Variants in IMPG2 observed in about 807,000 individuals in gnomAD.
IMPG2 encodes interphotoreceptor matrix proteoglycan 2.
IMPG2 carries 91 observed loss-of-function variants against 129.2 expected under a neutral mutation model. The ratio of observed to expected loss-of-function variants is 0.70; its 90% CI spans 0.59 to 0.84. The LOEUF (loss-of-function observed/expected upper bound fraction) is 0.84. IMPG2 is among the 40% of genes least tolerant of loss of function. The pLI is 0.00. For missense variants in IMPG2, 1,430 were observed against 1,461.7 expected, an observed-to-expected ratio of 0.98 and a Z score of 0.35; for synonymous variants, 510 against 517.7, an observed-to-expected ratio of 0.99 and a Z score of 0.20.
At chr3:101,310,663 A>G (rs572721834) in intron 2 of IMPG2, among the ~76,000 whole-genome samples, 4 of 152,136 alleles carry the variant, frequency 2.6e-5, no homozygotes, top group Non-Finnish European at 5.9e-5. Flanking sequence ...CTGTGAGAAT[A>G]TGAGTGTTTA....
Position 101,306,360 on chromosome 3 carries a change from G to A in IMPG2, c.335-2048C>T, listed in dbSNP as rs79056345. 5.8e-3 allele frequency among the ~76,000 whole-genome samples: 883 copies of A among 152,240 alleles called. 6 individuals carry two copies. Among genetic ancestry groups the A allele is most frequent in the African/African-American group, 0.02 (850 of 41,542 alleles). ...TATTGAAAGTTTCTCTATCAATTGG[G>A]TTTTAGGGCTAAACCAAACCTTTCA... is the stretch of plus-strand genomic sequence containing the variant. On this transcript the variant is annotated intron_variant, in intron 2 of 18. Transcript: ENST00000193391.
chr3:101,226,601 C>T lies in IMPG2; in HGVS notation c.*368G>A, dbSNP rs568108242. On this transcript the variant is annotated 3_prime_UTR_variant, in exon 19 of 19. Coordinates refer to ENST00000193391, the MANE Select transcript of IMPG2 (RefSeq NM_016247.4). ...AGACTTCTCCATGGAAGAGTCTCAC[C>T]TTATTTTCCTATTGAAAAACCCGAG... 2.4e-5 allele frequency: 5 copies of T among 207,482 alleles called. No homozygotes were observed. The South Asian group carries it at 5.2e-4, about 22-fold the overall frequency. 12.9% of individuals were successfully genotyped at this position (207,482 alleles called of 1,614,324 possible). A position where few individuals can be genotyped will look rare whatever the true frequency, so the allele number is the denominator to read the frequency against.
chr3:101,238,699 T>C (rs560042477), intron 14 of IMPG2, among the ~76,000 whole-genome samples: 10 of 152,302 alleles, frequency 6.6e-5, no homozygotes, highest in African/African-American at 2.4e-4. Flanking sequence ...AGGCCTGCCT[T>C]ACAAGAGCTC....
At chr3:101,252,106 G>A (rs1706550786) in intron 11 of IMPG2, among the ~76,000 whole-genome samples, 1 of 152,046 alleles carries the variant, frequency 6.6e-6, no homozygotes, top group African/African-American at 2.4e-5. Flanking sequence ...CCCTATTGGT[G>A]CTTGCCATCA....
At chr3:101,236,050 C>T (rs1438426010) in intron 14 of IMPG2, among the ~76,000 whole-genome samples, 1 of 152,126 alleles carries the variant, frequency 6.6e-6, no homozygotes, top group African/African-American at 2.4e-5. Flanking sequence ...ACCTTCATTC[C>T]ATTAGCAAAT....
chr3:101,273,165 G>A (rs1489407947), intron 7 of IMPG2, among the ~76,000 whole-genome samples: 1 of 152,088 alleles, frequency 6.6e-6, no homozygotes, highest in South Asian at 2.1e-4. Context: ...TATTACCTAT[G>A]TGTTAACTAT....
chr3:101,239,428 G>A (rs559979099), intron 14 of IMPG2, among the ~76,000 whole-genome samples: 1 of 152,186 alleles, frequency 6.6e-6, no homozygotes, highest in Admixed American at 6.5e-5. Flanking sequence ...AAAAAGTCAG[G>A]AAACAACAGA....
At position 101,290,790 on chromosome 3, in the gene IMPG2, T is replaced by C. The variant is rs548551291; in HGVS notation, c.533+689A>G. 5.9e-5 allele frequency among the ~76,000 whole-genome samples: 9 copies of C among 152,290 alleles called. No homozygotes were observed. The East Asian group carries it at 1.7e-3, about 29-fold the overall frequency. ...TACACTGACTCACCTACTTGGTTTTTTCAATCTGTCCTTCCCTCTAATTTG... is the reference window on the plus strand; with the variant it reads ...TACACTGACTCACCTACTTGGTTTTCTCAATCTGTCCTTCCCTCTAATTTG... On this transcript the variant is annotated intron_variant, in intron 4 of 18. Transcript: ENST00000193391.
chr3:101,272,609 T>C (rs1239816046), intron 7 of IMPG2, among the ~76,000 whole-genome samples: 2 of 152,238 alleles, frequency 1.3e-5, no homozygotes, highest in Admixed American at 6.5e-5. Context: ...AGACACTCTT[T>C]GATGCCAGGT....
Position 101,226,837 on chromosome 3 carries a change from C to A in IMPG2, c.*132G>T. On this transcript the variant is annotated 3_prime_UTR_variant, in exon 19 of 19. Transcript: ENST00000193391. ...TTAAGCTGAAAAAAAAACAGTGTGC[C>A]CTATATTTAATTTTTTCATAGAAAA... is the stretch of plus-strand genomic sequence containing the variant. 1 of 882,802 alleles carries A rather than the reference C, an allele frequency of 1.1e-6. No individual in the cohort carries two copies. The allele number at this position is 882,802 out of a possible 1,614,324, so 54.7% of individuals were successfully genotyped here. A position where few individuals can be genotyped will look rare whatever the true frequency, so the allele number is the denominator to read the frequency against.
intron 2 of IMPG2, among the ~76,000 whole-genome samples, chr3:101,304,714 T>G (rs751603647): frequency 1.5e-4 from 23 of 152,114 alleles, no homozygotes; most frequent in Non-Finnish European, 4.4e-5. Context: ...AATCATAACT[T>G]CAAAAATCAG....
intron 14 of IMPG2, among the ~76,000 whole-genome samples, chr3:101,238,750 A>G (rs1353563594): frequency 2.0e-5 from 3 of 152,232 alleles, no homozygotes; most frequent in African/African-American, 4.8e-5. Context: ...AACCAGTACC[A>G]GCCACTGCAA....
Position 101,319,591 on chromosome 3 carries a change from T to C in IMPG2, c.327A>G (p.Lys109=), listed in dbSNP as rs1365408457. The C allele has an allele frequency of 1.2e-6, 2 of 1,613,566 alleles. No individual in the cohort carries two copies. Among genetic ancestry groups the C allele is most frequent in the South Asian group, 2.2e-5 (2 of 91,078 alleles). Residue 109 remains lysine, a synonymous_variant, in exon 2 of 19, where the codon AAA becomes AAG. Transcript: ENST00000193391. ...EAVANHVKYF[K]VRVCQEAVWE... ...ATTTGGATGTTCGCTTACCTCGGAC[T>C]TTAAAATACTTCACATGATTTGCCA...
Position 101,320,229 on chromosome 3 carries a change from T to C in IMPG2, c.85+59A>G, listed in dbSNP as rs1671615131. The stretch of plus-strand genomic sequence containing the variant: ...AGCAATCACATCAAATAATCCTATT[T>C]TTGAAGAACATATACTACAGATATG... On this transcript the variant is annotated intron_variant, in intron 1 of 18. Coordinates refer to ENST00000193391, the MANE Select transcript of IMPG2 (RefSeq NM_016247.4). 8.0e-6 allele frequency: 8 copies of C among 996,730 alleles called. No individual in the cohort carries two copies. In the Admixed American group the frequency reaches 1.3e-4, roughly 16 times the overall value. The allele number at this position is 996,730 out of a possible 1,614,324, so 61.7% of individuals were successfully genotyped here.
chr3:101,318,150 A>AATG (rs1356422723), intron 2 of IMPG2, among the ~76,000 whole-genome samples: 6 of 2,290 alleles, frequency 2.6e-3, no homozygotes, highest in Admixed American at 7.0e-3. Flanking sequence ...AATAGTAATA[A>AATG]ATAATAATAA....
intron 2 of IMPG2, among the ~76,000 whole-genome samples, chr3:101,313,571 C>T (rs2058767879): frequency 6.6e-6 from 1 of 152,078 alleles, no homozygotes. Flanking sequence ...TTATAATATT[C>T]TGAAGAAAAT....
chr3:101,312,897 A>G (rs1203155913), intron 2 of IMPG2, among the ~76,000 whole-genome samples: 1 of 152,138 alleles, frequency 6.6e-6, no homozygotes, highest in Non-Finnish European at 1.5e-5. Context: ...GTAAAGACAG[A>G]AAGTAGATTA....
intron 9 of IMPG2, among the ~76,000 whole-genome samples, chr3:101,263,476 A>G (rs1263347164): frequency 1.3e-5 from 2 of 152,028 alleles, no homozygotes; most frequent in Non-Finnish European, 2.9e-5. Context: ...AGAAATTTAA[A>G]ATAAAAACAA....
chr3:101,297,497 T>C (rs1707093152), intron 3 of IMPG2, among the ~76,000 whole-genome samples: 2 of 152,204 alleles, frequency 1.3e-5, no homozygotes, highest in South Asian at 2.1e-4. Context: ...TGTTAGCATG[T>C]CAATTTTAGA....
Sources: allele counts gnomAD v4.1 joint callset (sites outside exome capture counted in the v4.1 genomes callset), GRCh38; gene constraint gnomAD v4.1.1; transcripts MANE v1.5; gene names NCBI Gene and HGNC (gene_info 2026-07-23, HGNC 2026-07-21).